RGS3: variants seen among roughly 807,000 people sequenced by gnomAD.
RGS3 encodes regulator of G protein signaling 3.
Under a neutral mutation model 132.6 loss-of-function variants are expected in RGS3, and 80 were observed. The ratio of observed to expected loss-of-function variants is 0.60; its 90% CI spans 0.50 to 0.73. The LOEUF (loss-of-function observed/expected upper bound fraction) is 0.73, where lower values mean the gene tolerates loss of function less well. Among genes scored for constraint, RGS3 ranks in the 30% least tolerant of loss-of-function variants. RGS3 has a pLI of 0.00. For missense variants in RGS3, 1,382 were observed against 1,530.8 expected (o/e 0.90, Z 1.62); for synonymous variants, 598 against 620.6 (o/e 0.96, Z 0.54).
chr9:113,516,406 G>A (rs906478761), intron 15 of RGS3, among the ~76,000 whole-genome samples: 7 of 151,230 alleles, frequency 4.6e-5, no homozygotes, highest in African/African-American at 1.2e-4. Context: ...TGCCCAGGCC[G>A]GAGTGCAAGG....
intron 3 of RGS3, among the ~76,000 whole-genome samples, chr9:113,472,321 A>G (rs1205476383): frequency 6.6e-6 from 1 of 152,096 alleles, no homozygotes; most frequent in African/African-American, 2.4e-5. Flanking sequence ...ACACACACAC[A>G]TGTTCATAAC....
intron 8 of RGS3, 25 bp downstream of exon 6, chr9:113,495,871 A>G (rs767622077): frequency 1.2e-6 from 2 of 1,603,410 alleles, no homozygotes; most frequent in Non-Finnish European, 8.5e-7. Flanking sequence ...TGCTTCTGTC[A>G]GGATCATCCC....
In RGS3 at chr9:113,494,570, T is replaced by C. The variant is rs1476524371; in HGVS notation, c.690-1216T>C. ...CACACAATCACAGTTCACTGCAGCT[T>C]TGACCTCCCAGGCTCAAGTGATCCT... On this transcript the variant is annotated intron_variant, in intron 7 of 24. Coordinates refer to ENST00000350696, the Ensembl canonical transcript of RGS3. Among the ~76,000 whole-genome samples, 3 of 152,236 alleles carry C rather than the reference T, an allele frequency of 2.0e-5. No homozygotes were observed. The East Asian group carries it at 5.8e-4, about 29-fold the overall frequency.
At chr9:113,578,369 A>G (rs1025223687) in intron 19 of RGS3, among the ~76,000 whole-genome samples, 5 of 152,182 alleles carry the variant, frequency 3.3e-5, no homozygotes, top group Non-Finnish European at 5.9e-5. Flanking sequence ...GATTCTAGAA[A>G]TCCTATGTTA....
intron 10 of RGS3, chr9:113,501,414 G>A: frequency 6.8e-7 from 1 of 1,461,950 alleles, no homozygotes; most frequent in Non-Finnish European, 9.1e-7. Flanking sequence ...GAGGCACACA[G>A]CACAGACAGG....
At chr9:113,448,346 C>G (rs1829160230) in intron 1 of RGS3, among the ~76,000 whole-genome samples, 1 of 152,202 alleles carries the variant, frequency 6.6e-6, no homozygotes, top group East Asian at 1.9e-4. Flanking sequence ...GCCACTCACT[C>G]TCACCTTGTT....
chr9:113,457,220 C>G (rs113272272), upstream of RGS3, among the ~76,000 whole-genome samples: 6,106 of 152,320 alleles, frequency 0.04, 165 homozygotes, highest in South Asian at 0.1. Flanking sequence ...CTCTCACTTT[C>G]TGGCCTTTAC....
chr9:113,575,847 A>T (rs1297776574), intron 19 of RGS3, among the ~76,000 whole-genome samples: 1 of 152,228 alleles, frequency 6.6e-6, no homozygotes, highest in Non-Finnish European at 1.5e-5. Context: ...TCTAAAGTGT[A>T]CTTCTCCGTT....
intron 3 of RGS3, among the ~76,000 whole-genome samples, chr9:113,474,179 G>C (rs1210008769): frequency 1.3e-5 from 2 of 152,192 alleles, no homozygotes; most frequent in Non-Finnish European, 2.9e-5. Context: ...TAAGGAAAAA[G>C]AGCTTGGGAA....
chr9:113,497,467 A>G, intron 9 of RGS3, 63 bp downstream of exon 7: 1 of 1,356,786 alleles, frequency 7.4e-7, no homozygotes, highest in Non-Finnish European at 1.0e-6. Flanking sequence ...TTTCCTGCAT[A>G]GCGGCATCAG....
chr9:113,566,056 T>C (rs1360710332), intron 19 of RGS3, among the ~76,000 whole-genome samples: 1 of 152,072 alleles, frequency 6.6e-6, no homozygotes, highest in African/African-American at 2.4e-5. Flanking sequence ...GGCCAAAAAG[T>C]CGGGACACTG....
At chr9:113,536,900 A>C (rs774917697) in exon 19 of RGS3, 2 of 1,614,098 alleles carry the variant, frequency 1.2e-6, no homozygotes, top group Non-Finnish European at 1.7e-6. Context: ...AGCTGGCAGC[A>C]TCACCCCCGG....
rs1054028194 is a variant in RGS3 at position 113,537,929 on chromosome 9, A to G, written c.2037+1011A>G. ...GGAGTGAGGATCTGAGAATTACATC[A>G]TCTTAGCTGTGAACGTTCTCTTGTT... On this transcript the variant is annotated intron_variant, in intron 19 of 24. Coordinates refer to ENST00000350696, the Ensembl canonical transcript of RGS3. The surrounding 1 kb of genome is among the most constrained non-coding windows in gnomAD (Gnocchi z 4.3). Among the ~76,000 whole-genome samples the G allele has an allele frequency of 6.6e-6, 1 of 152,172 alleles. No homozygotes were observed. Among genetic ancestry groups the G allele is most frequent in the Non-Finnish European group, 1.5e-5 (1 of 68,034 alleles).
chr9:113,561,065 C>G (rs1005654167), intron 19 of RGS3, among the ~76,000 whole-genome samples: 24 of 152,102 alleles, frequency 1.6e-4, no homozygotes, highest in Non-Finnish European at 3.1e-4. Flanking sequence ...GCTCTGTTGC[C>G]CAGGCTGGAG....
chr9:113,527,976 T>A (rs1053204514), intron 17 of RGS3, among the ~76,000 whole-genome samples: 7 of 152,154 alleles, frequency 4.6e-5, no homozygotes, highest in African/African-American at 1.7e-4. Context: ...GGATCCAGGC[T>A]ACCTGGGTCT....
At chr9:113,584,470 G>T (rs779169974) in intron 20 of RGS3, 43 bp downstream of exon 18, 1 of 1,488,162 alleles carries the variant, frequency 6.7e-7, no homozygotes, top group East Asian at 2.3e-5. Flanking sequence ...CATGCAATGT[G>T]GGGAGGGCTG....
intron 19 of RGS3, among the ~76,000 whole-genome samples, chr9:113,574,139 C>T (rs1834408211): frequency 6.6e-6 from 1 of 152,226 alleles, no homozygotes; most frequent in African/African-American, 2.4e-5. Flanking sequence ...TCTCTCTCCC[C>T]TATCTTTGTC....
chr9:113,562,476 C>CAAAAAAAAAAAAAAAAAA (rs1184135248), intron 19 of RGS3, among the ~76,000 whole-genome samples: 1 of 68,542 alleles, frequency 1.5e-5, no homozygotes, highest in African/African-American at 5.4e-5. Context: ...GACTCTGTCT[C>CAAAAAAAAAAAAAAAAAA]AAAAAAAAAA....
intron 19 of RGS3, among the ~76,000 whole-genome samples, chr9:113,572,102 G>A (rs1588270407): frequency 6.6e-6 from 1 of 152,244 alleles, no homozygotes; most frequent in South Asian, 2.1e-4. Flanking sequence ...AGGTTTAGAG[G>A]GGCCTGAGGG....
Sources: gnomAD v4.1 joint callset for allele counts (sites outside exome capture counted in the v4.1 genomes callset) on GRCh38, gnomAD v4.1.1 for gene constraint, Gnocchi (gnomAD v3.1) non-coding constraint, MANE v1.5 for transcripts, NCBI Gene and HGNC (gene_info 2026-07-23, HGNC 2026-07-21) for gene names.